YTHDF3: variants seen among roughly 807,000 people sequenced by gnomAD.
YTHDF3 encodes YTH N6-methyladenosine RNA binding protein F3, also known as YTH domain-containing family protein 3.
In YTHDF3, 9 loss-of-function variants were observed where a neutral mutation model predicts 52.5. The observed-to-expected ratio is 0.17, with a 90% CI of 0.10 to 0.30. YTHDF3 has a LOEUF of 0.30. YTHDF3 is among the 10% of genes least tolerant of loss of function. The pLI, the probability that YTHDF3 is intolerant of heterozygous loss-of-function variation, is 1.00. For missense variants in YTHDF3, 534 were observed against 715.0 expected (o/e 0.75, Z 2.89); for synonymous variants, 274 against 243.3 (o/e 1.13, Z -1.18).
At position 63,168,794 on chromosome 8, in the gene YTHDF3, C is replaced by T. The variant is rs1310462912; in HGVS notation, c.-84C>T. ...GCGGCGGCTGGAACAATCACTCGGC[C>T]AAGGGCGACAGCCAACTGCTGTGAG... On this transcript the variant is annotated 5_prime_UTR_variant, in exon 1 of 5. Transcript: ENST00000539294. 3.2e-6 allele frequency: 5 copies of T among 1,549,012 alleles called. No homozygotes were observed. The highest frequency in any genetic ancestry group is 4.4e-6 in the Non-Finnish European group (5 of 1,146,368).
In YTHDF3 at chr8:63,209,815, C is replaced by CT. The variant is rs1810275177; in HGVS notation, c.*112dup. On this transcript the variant is annotated 3_prime_UTR_variant, in exon 5 of 5. Coordinates refer to ENST00000539294, the MANE Select transcript of YTHDF3 (RefSeq NM_152758.6). ...AGCTCTTTTCTGCTTAAGGTGACATCTTTGAACACTTTAACACAAAGTTGA... is the reference window on the plus strand; with the variant it reads ...AGCTCTTTTCTGCTTAAGGTGACATCTTTTGAACACTTTAACACAAAGTTGA... 9.2e-7 allele frequency: 1 copy of CT among 1,083,810 alleles called. No homozygotes were observed. The highest frequency in any genetic ancestry group is 1.3e-6 in the Non-Finnish European group (1 of 768,660). 67.1% of individuals were successfully genotyped at this position (1,083,810 alleles called of 1,614,324 possible).
At chr8:63,183,002 G>A (rs1298493622) in intron 3 of YTHDF3, among the ~76,000 whole-genome samples, 2 of 150,078 alleles carry the variant, frequency 1.3e-5, no homozygotes, top group Non-Finnish European at 3.0e-5. Context: ...TGTCACCCAG[G>A]CTGGAGTGCA....
chr8:63,186,752 A>C lies in YTHDF3; in HGVS notation c.741A>C (p.Lys247Asn). 1.2e-6 allele frequency: 2 copies of C among 1,613,978 alleles called. No individual in the cohort carries two copies. The highest frequency in any genetic ancestry group is 1.7e-6 in the Non-Finnish European group (2 of 1,179,872). Reference sequence around the variant, plus strand: ...CTGCCATTGCCAGAAAGCCTGCCAAACCTCAACCGAAACTTAAACCCAAGG... The same window carrying C: ...CTGCCATTGCCAGAAAGCCTGCCAACCCTCAACCGAAACTTAAACCCAAGG... The part of the protein sequence containing the change: ...SWAAIARKPA[K>N]PQPKLKPKGN... Residue 247 changes from lysine (K) to asparagine (N), a missense_variant, in exon 4 of 5, where the codon AAA becomes AAC. Physicochemically the swap from Lys to Asn is moderately conservative, Grantham distance 94. Transcript: ENST00000539294.
At chr8:63,204,985 T>C (rs1235096338) in intron 4 of YTHDF3, among the ~76,000 whole-genome samples, 1 of 152,186 alleles carries the variant, frequency 6.6e-6, no homozygotes, top group Non-Finnish European at 1.5e-5. Context: ...TTTCAGCCTG[T>C]TTCATAGTTT....
intron 3 of YTHDF3, among the ~76,000 whole-genome samples, chr8:63,177,784 G>A (rs1316689125): frequency 2.0e-5 from 3 of 148,466 alleles, no homozygotes; most frequent in African/African-American, 5.0e-5. Flanking sequence ...TTGAAACGGA[G>A]TCTCGCTCTG....
At chr8:63,184,489 G>A (rs1057216882) in intron 3 of YTHDF3, among the ~76,000 whole-genome samples, 6 of 152,216 alleles carry the variant, frequency 3.9e-5, no homozygotes, top group African/African-American at 1.4e-4. Flanking sequence ...ACAGTAGACA[G>A]TTACAAGAGT....
At chr8:63,173,716 C>T in intron 2 of YTHDF3, 2 of 983,968 alleles carry the variant, frequency 2.0e-6, no homozygotes, top group Non-Finnish European at 2.4e-6. Flanking sequence ...AATGAATAAC[C>T]CAGCCTTATA....
rs1242651871 is a variant in YTHDF3, at chr8:63,186,254, C to T, written c.243C>T (p.Asp81=). 6.2e-7 allele frequency: 1 copy of T among 1,613,974 alleles called. No individual in the cohort carries two copies. Among genetic ancestry groups the T allele is most frequent in the Admixed American group, 1.7e-5 (1 of 60,026 alleles). ...AAGCAGCGTGGTCCACAGCTGGAGA[C>T]CAGCCTATGCCATATCTGACAACCT... ...LGEAAWSTAG[D]QPMPYLTTYG... The change falls in exon 4 of 5, where the codon GAC becomes GAT. Residue 81 remains aspartate, a synonymous_variant. Coordinates refer to ENST00000539294, the MANE Select transcript of YTHDF3 (RefSeq NM_152758.6).
intron 4 of YTHDF3, among the ~76,000 whole-genome samples, chr8:63,193,109 C>T (rs1465708250): frequency 6.6e-6 from 1 of 152,006 alleles, no homozygotes; most frequent in Non-Finnish European, 1.5e-5. Flanking sequence ...CATGGTGGCT[C>T]ACATGTGTAA....
At chr8:63,190,047 G>A (rs1242117181) in intron 4 of YTHDF3, among the ~76,000 whole-genome samples, 1 of 152,176 alleles carries the variant, frequency 6.6e-6, no homozygotes, top group Non-Finnish European at 1.5e-5. Flanking sequence ...GAAATGATTT[G>A]AGGTATGAAA....
At chr8:63,195,983 G>A (rs1809212592) in intron 4 of YTHDF3, among the ~76,000 whole-genome samples, 1 of 152,010 alleles carries the variant, frequency 6.6e-6, no homozygotes, top group Admixed American at 6.6e-5. Context: ...TCTTTGTTTA[G>A]TAGAGACAGG....
Position 63,211,806 on chromosome 8 carries a change from GC to G in YTHDF3, c.*2102del, listed in dbSNP as rs1257782112. ...TTCATGGTGAGGAGTACATCCCAGT[GC>G]CTTTAACCTGGATTTCTAATCTTAA... is the stretch of plus-strand genomic sequence containing the variant. On this transcript the variant is annotated 3_prime_UTR_variant, in exon 5 of 5. Coordinates refer to ENST00000539294, the MANE Select transcript of YTHDF3 (RefSeq NM_152758.6). 6.6e-6 allele frequency: 1 copy of G among 152,526 alleles called. No homozygotes were observed. The highest frequency in any genetic ancestry group is 1.5e-5 in the Non-Finnish European group (1 of 67,996). 9.4% of individuals were successfully genotyped at this position (152,526 alleles called of 1,614,324 possible).
At position 63,211,806 on chromosome 8, in the gene YTHDF3, G is replaced by A. The variant is rs1810384050; in HGVS notation, c.*2100G>A. 1.3e-5 allele frequency: 2 copies of A among 152,526 alleles called. No homozygotes were observed. The highest frequency in any genetic ancestry group is 4.8e-5 in the African/African-American group (2 of 41,442). The allele number at this position is 152,526 out of a possible 1,614,324, so 9.4% of individuals were successfully genotyped here. On this transcript the variant is annotated 3_prime_UTR_variant, in exon 5 of 5. Transcript: ENST00000539294. ...TTCATGGTGAGGAGTACATCCCAGTGCCTTTAACCTGGATTTCTAATCTTA... is the reference window on the plus strand; with the variant it reads ...TTCATGGTGAGGAGTACATCCCAGTACCTTTAACCTGGATTTCTAATCTTA...
Position 63,175,303 on chromosome 8 carries a change from A to C in YTHDF3, c.50-28A>C, listed in dbSNP as rs1225622778. The C allele has an allele frequency of 1.9e-6, 3 of 1,541,660 alleles. No individual in the cohort carries two copies. The South Asian group carries it at 3.5e-5, about 18-fold the overall frequency. On this transcript the variant is annotated intron_variant, in intron 2 of 4. Transcript: ENST00000539294. ...CTGCGAGTTTCATAAAGATAACTAC[A>C]ACACTTCTAATACAAACATTTTTTT...
intron 4 of YTHDF3, among the ~76,000 whole-genome samples, chr8:63,200,499 T>C (rs1809542385): frequency 6.6e-6 from 1 of 151,954 alleles, no homozygotes; most frequent in Non-Finnish European, 1.5e-5. Flanking sequence ...TTAGAAGCAA[T>C]TCACTCATTG....
chr8:63,195,090 C>G (rs1209372935), intron 4 of YTHDF3, among the ~76,000 whole-genome samples: 2 of 152,194 alleles, frequency 1.3e-5, no homozygotes, highest in East Asian at 3.9e-4. Context: ...GAGGAGCCAA[C>G]CTGTCATATC....
chr8:63,184,726 G>A (rs1478556324), intron 3 of YTHDF3, among the ~76,000 whole-genome samples: 1 of 152,200 alleles, frequency 6.6e-6, no homozygotes, highest in African/African-American at 2.4e-5. Context: ...AACTTTGACT[G>A]TCTCTGTAAA....
In YTHDF3 at chr8:63,209,777, G is replaced by A. The variant is rs1296405246; in HGVS notation, c.*71G>A. 7.0e-7 allele frequency: 1 copy of A among 1,429,936 alleles called. No homozygotes were observed. Among genetic ancestry groups the A allele is most frequent in the African/African-American group, 1.5e-5 (1 of 68,920 alleles). 88.6% of individuals were successfully genotyped at this position (1,429,936 alleles called of 1,614,324 possible). A position where few individuals can be genotyped will look rare whatever the true frequency, so the allele number is the denominator to read the frequency against. ...CTCTGGAAATGCCTAATAAGTCAAA[G>A]AAGACGTATTAAAGCTCTTTTCTGC... On this transcript the variant is annotated 3_prime_UTR_variant, in exon 5 of 5. Coordinates refer to ENST00000539294, the MANE Select transcript of YTHDF3 (RefSeq NM_152758.6).
intron 4 of YTHDF3, among the ~76,000 whole-genome samples, chr8:63,200,919 C>A (rs74970518): frequency 0.071 from 10,763 of 151,832 alleles, 666 homozygotes; most frequent in East Asian, 0.35. Flanking sequence ...TCGAAAATAG[C>A]CAAAACTTAG....
Sources: gnomAD v4.1 joint callset for allele counts (sites outside exome capture counted in the v4.1 genomes callset) on GRCh38, gnomAD v4.1.1 for gene constraint, MANE v1.5 for transcripts, NCBI Gene and HGNC (gene_info 2026-07-23, HGNC 2026-07-21) for gene names.